The following OSBPL8 variants were observed in gnomAD, a reference collection of about 807,000 sequenced individuals.
OSBPL8 encodes the protein oxysterol-binding protein-related protein 8.
A neutral mutation model predicts 125.5 loss-of-function variants in OSBPL8; 59 were observed. The ratio of observed to expected loss-of-function variants is 0.47; its 90% CI spans 0.38 to 0.58. OSBPL8 has a LOEUF of 0.58. OSBPL8 is among the 20% of genes least tolerant of loss of function. OSBPL8 has a pLI of 0.00. For missense variants in OSBPL8, 758 were observed against 1,047.8 expected, an observed-to-expected ratio of 0.72 and a Z score of 3.82; for synonymous variants, 330 against 338.9, an observed-to-expected ratio of 0.97 and a Z score of 0.29.
At chr12:76,397,063 C>T (rs1953838338) in intron 8 of OSBPL8, among the ~76,000 whole-genome samples, 1 of 152,070 alleles carries the variant, frequency 6.6e-6, no homozygotes, top group South Asian at 2.1e-4. Context: ...GATCCAACTG[C>T]CCTGGCCTAC....
intron 4 of OSBPL8, 95 bp from the exon 5 acceptor site, chr12:76,410,729 G>A: frequency 2.4e-6 from 2 of 822,178 alleles, no homozygotes; most frequent in Non-Finnish European, 2.0e-6. Flanking sequence ...ATATAAATCA[G>A]TGCAGGAAGC....
intron 1 of OSBPL8, among the ~76,000 whole-genome samples, chr12:76,496,000 T>C (rs1879224782): frequency 6.7e-6 from 1 of 150,110 alleles, no homozygotes; most frequent in South Asian, 2.1e-4. Flanking sequence ...TGAAGTATCT[T>C]ATCAACTTTA....
intron 4 of OSBPL8, among the ~76,000 whole-genome samples, chr12:76,444,736 ACAT>A (rs369476035): frequency 1.4e-3 from 219 of 152,310 alleles, no homozygotes; most frequent in Middle Eastern, 0.01. Context: ...CTTTATAAAC[ACAT>A]TATGTTACTG....
chr12:76,388,132 A>G (rs760101286), intron 12 of OSBPL8, among the ~76,000 whole-genome samples: 1 of 152,182 alleles, frequency 6.6e-6, no homozygotes, highest in African/African-American at 2.4e-5. Flanking sequence ...GGGTGGATGT[A>G]TCACACACTG....
chr12:76,529,644 T>TA (rs1402476738), intron 1 of OSBPL8, among the ~76,000 whole-genome samples: 4 of 151,980 alleles, frequency 2.6e-5, no homozygotes, highest in African/African-American at 9.7e-5. Flanking sequence ...CTGAAGAAGC[T>TA]AGTGGGGGAA....
intron 4 of OSBPL8, among the ~76,000 whole-genome samples, chr12:76,432,032 T>C (rs572266564): frequency 2.2e-4 from 34 of 152,282 alleles, no homozygotes; most frequent in African/African-American, 7.2e-4. Flanking sequence ...TCAAGTATCT[T>C]TATCACAAAG....
intron 15 of OSBPL8, among the ~76,000 whole-genome samples, chr12:76,382,848 A>C (rs1218591424): frequency 6.6e-6 from 1 of 152,136 alleles, no homozygotes; most frequent in African/African-American, 2.4e-5. Context: ...GTGCCATTGC[A>C]CTCACAGTTA....
chr12:76,452,248 G>C (rs989726728), intron 3 of OSBPL8, among the ~76,000 whole-genome samples: 3 of 152,144 alleles, frequency 2.0e-5, no homozygotes, highest in Middle Eastern at 3.4e-3. Context: ...TGTTGCGATA[G>C]TTTTCAAAAT....
chr12:76,413,347 G>A (rs143439233), intron 4 of OSBPL8, among the ~76,000 whole-genome samples: 5 of 152,248 alleles, frequency 3.3e-5, no homozygotes, highest in Middle Eastern at 3.4e-3. Context: ...TACTTCATTC[G>A]TTTTCACTGC....
chr12:76,523,187 A>G lies in OSBPL8; in HGVS notation c.-67-35569T>C, dbSNP rs138609398. Among the ~76,000 whole-genome samples the G allele has an allele frequency of 2.0e-3, 305 of 152,276 alleles. 1 individual carries two copies. The highest frequency in any genetic ancestry group is 3.7e-3 in the Non-Finnish European group (253 of 68,022). On this transcript the variant is annotated intron_variant, in intron 1 of 23. Transcript: ENST00000261183. The stretch of plus-strand genomic sequence containing the variant: ...AAGAAATTGTTATTTCTACTGTGTT[A>G]ACCTGTATTATCTGCTCAAAAATTA...
At chr12:76,392,558 A>T (rs916804082) in intron 10 of OSBPL8, 23 bp downstream of exon 10, 2 of 1,586,072 alleles carry the variant, frequency 1.3e-6, no homozygotes, top group East Asian at 2.2e-5. Context: ...AACATTACCA[A>T]CTCAGCGGCA....
chr12:76,459,605 T>TTAAG (rs1170931162), intron 3 of OSBPL8, among the ~76,000 whole-genome samples: 26 of 152,260 alleles, frequency 1.7e-4, no homozygotes, highest in Non-Finnish European at 7.4e-5. Flanking sequence ...AGTTAGATAA[T>TTAAG]TAAGTAAATA....
chr12:76,456,566 G>A (rs891630060), intron 3 of OSBPL8, among the ~76,000 whole-genome samples: 97 of 151,844 alleles, frequency 6.4e-4, no homozygotes, highest in Admixed American at 2.4e-3. Flanking sequence ...AGCCCAGGTT[G>A]TGTCCTTGCA....
At chr12:76,462,929 TAGG>T (rs1398751073) in intron 2 of OSBPL8, among the ~76,000 whole-genome samples, 3 of 152,068 alleles carry the variant, frequency 2.0e-5, no homozygotes, top group African/African-American at 4.8e-5. Flanking sequence ...AGGAAAGTAG[TAGG>T]AGATGAGGTC....
chr12:76,472,271 T>A (rs1197211237), intron 2 of OSBPL8, among the ~76,000 whole-genome samples: 1 of 152,198 alleles, frequency 6.6e-6, no homozygotes, highest in Non-Finnish European at 1.5e-5. Context: ...AATTGGTCTT[T>A]AGTATCTTCC....
chr12:76,489,525 CT>C (rs556389659), intron 1 of OSBPL8, among the ~76,000 whole-genome samples: 25 of 152,332 alleles, frequency 1.6e-4, no homozygotes, highest in African/African-American at 4.6e-4. Context: ...TGCCTGTGCA[CT>C]ATAAATAAAA....
chr12:76,390,731 AC>A, intron 10 of OSBPL8, 74 bp from the exon 11 acceptor site: 1 of 888,290 alleles, frequency 1.1e-6, no homozygotes, highest in Non-Finnish European at 1.8e-6. Context: ...ATAATTATAT[AC>A]AACATTTATT....
intron 1 of OSBPL8, among the ~76,000 whole-genome samples, chr12:76,517,351 TACTGTAAAGAAATTTTTA>T (rs1881646758): frequency 6.6e-6 from 1 of 152,202 alleles, no homozygotes; most frequent in Non-Finnish European, 1.5e-5. Context: ...TTTTATTACC[TACTGTAAAGAAATTTTTA>T]ATTATAAAGA....
At chr12:76,406,804 G>C (rs534024191) in intron 5 of OSBPL8, among the ~76,000 whole-genome samples, 1 of 152,058 alleles carries the variant, frequency 6.6e-6, no homozygotes, top group Non-Finnish European at 1.5e-5. Context: ...GTAGAGTCAA[G>C]GTCTCGCTAG....
Sources: allele counts gnomAD v4.1 joint callset (sites outside exome capture counted in the v4.1 genomes callset), GRCh38; gene constraint gnomAD v4.1.1; transcripts MANE v1.5; gene names NCBI Gene and HGNC (gene_info 2026-07-23, HGNC 2026-07-21).